CNBD1: variants seen among roughly 807,000 people sequenced by gnomAD.
CNBD1 encodes the protein cyclic nucleotide binding domain containing 1.
A neutral mutation model predicts 54.4 loss-of-function variants in CNBD1; 71 were observed. The ratio of observed to expected loss-of-function variants is 1.30; its 90% CI spans 1.08 to 1.59. CNBD1 has a LOEUF of 1.59. Among genes scored for constraint, CNBD1 ranks in the 40% most tolerant of loss-of-function variants. The pLI, the probability that CNBD1 is intolerant of heterozygous loss-of-function variation, is 0.00. For synonymous variants in CNBD1, 182 were observed against 170.7 expected, an observed-to-expected ratio of 1.07 and a Z score of -0.51; for missense variants, 659 against 518.0, an observed-to-expected ratio of 1.27 and a Z score of -2.64.
chr8:87,362,334 CTG>C (rs1262341779), intron 10 of CNBD1, among the ~76,000 whole-genome samples: 3 of 152,080 alleles, frequency 2.0e-5, no homozygotes, highest in Admixed American at 2.0e-4. Context: ...TCAGTGATAA[CTG>C]AGGTTTTTCA....
At chr8:87,001,000 A>G (rs1808978829) in intron 4 of CNBD1, among the ~76,000 whole-genome samples, 1 of 152,032 alleles carries the variant, frequency 6.6e-6, no homozygotes, top group African/African-American at 2.4e-5. Flanking sequence ...ATTTTTCTAC[A>G]TTTTATCTTT....
intron 8 of CNBD1, among the ~76,000 whole-genome samples, chr8:87,306,946 G>C (rs768056517): frequency 6.6e-5 from 10 of 151,638 alleles, no homozygotes; most frequent in Admixed American, 1.3e-4. Flanking sequence ...AGGATATGGG[G>C]GAACAGAAAA....
At chr8:87,217,794 G>A (rs1814244831) in intron 5 of CNBD1, among the ~76,000 whole-genome samples, 1 of 151,946 alleles carries the variant, frequency 6.6e-6, no homozygotes, top group Non-Finnish European at 1.5e-5. Context: ...ATCTTGAAAA[G>A]CCAATTCATC....
chr8:87,259,272 C>A (rs1035218860), intron 6 of CNBD1, among the ~76,000 whole-genome samples: 8 of 152,122 alleles, frequency 5.3e-5, no homozygotes, highest in African/African-American at 1.9e-4. Context: ...TATGAATTAT[C>A]TTTTCTTTAT....
chr8:87,228,952 T>A (rs568678095), intron 5 of CNBD1, among the ~76,000 whole-genome samples: 2 of 152,304 alleles, frequency 1.3e-5, no homozygotes, highest in South Asian at 2.1e-4. Context: ...GTGCGCCGTT[T>A]TTTAAGCCCG....
chr8:86,895,869 A>C (rs1345851019), intron 2 of CNBD1, among the ~76,000 whole-genome samples: 2 of 152,156 alleles, frequency 1.3e-5, no homozygotes, highest in Non-Finnish European at 2.9e-5. Flanking sequence ...GTGTTTTGCA[A>C]ATAGTTTCTA....
chr8:87,243,884 G>C (rs1807750474), intron 6 of CNBD1, among the ~76,000 whole-genome samples: 1 of 151,960 alleles, frequency 6.6e-6, no homozygotes, highest in Non-Finnish European at 1.5e-5. Flanking sequence ...GTGATTTGCT[G>C]TTTAGTATTG....
intron 4 of CNBD1, among the ~76,000 whole-genome samples, chr8:87,201,625 C>T (rs1400175343): frequency 1.3e-5 from 2 of 151,672 alleles, no homozygotes; most frequent in African/African-American, 4.8e-5. Context: ...TTTAGAATAC[C>T]CTCAAAGACA....
At chr8:87,101,028 A>C (rs1365855170) in intron 4 of CNBD1, among the ~76,000 whole-genome samples, 1 of 152,228 alleles carries the variant, frequency 6.6e-6, no homozygotes, top group Admixed American at 6.5e-5. Context: ...ACTGGGGGAG[A>C]AAGATTTTAG....
chr8:87,293,710 TG>T (rs1376996743), intron 8 of CNBD1, among the ~76,000 whole-genome samples: 1 of 152,218 alleles, frequency 6.6e-6, no homozygotes, highest in African/African-American at 2.4e-5. Flanking sequence ...TGTCTTAAAA[TG>T]ATTTTCACTA....
intron 4 of CNBD1, among the ~76,000 whole-genome samples, chr8:87,036,463 G>A (rs1409478368): frequency 6.6e-5 from 10 of 151,796 alleles, no homozygotes; most frequent in Non-Finnish European, 1.2e-4. Context: ...GCGTGGTGGT[G>A]GGCGCCTGTA....
At chr8:87,315,172 G>A (rs1809357379) in intron 8 of CNBD1, among the ~76,000 whole-genome samples, 1 of 152,040 alleles carries the variant, frequency 6.6e-6, no homozygotes, top group African/African-American at 2.4e-5. Flanking sequence ...ATTATTTAAA[G>A]AGAGTAGGGA....
chr8:87,126,802 A>G (rs1281629296), intron 4 of CNBD1, among the ~76,000 whole-genome samples: 2 of 151,850 alleles, frequency 1.3e-5, no homozygotes, highest in Non-Finnish European at 2.9e-5. Context: ...ATCTATTTTG[A>G]GTTAATTTTT....
intron 2 of CNBD1, among the ~76,000 whole-genome samples, chr8:87,399,170 C>A (rs1305423340): frequency 6.6e-6 from 1 of 151,968 alleles, no homozygotes; most frequent in Non-Finnish European, 1.5e-5. Context: ...GATTCAATAG[C>A]TGATGGTTAT....
chr8:87,324,322 T>C lies in CNBD1; in HGVS notation c.1043-27363T>C, dbSNP rs1165643913. On this transcript the variant is annotated intron_variant, in intron 8 of 10. Coordinates refer to ENST00000518476, the MANE Select transcript of CNBD1 (RefSeq NM_173538.3). ...TCAGAATGATGCTGGCCTCATAAAA[T>C]GAGTTAGGGAGGATTCCCTCTTTTT... Among the ~76,000 whole-genome samples the C allele has an allele frequency of 8.6e-5, 11 of 127,206 alleles. 1 individual carries two copies. In the South Asian group the frequency reaches 9.2e-4, roughly 11 times the overall value. The allele number at this position is 127,206 out of a possible 152,430, so 83.5% of individuals were successfully genotyped here.
At chr8:87,341,611 G>A (rs991738270) in intron 8 of CNBD1, among the ~76,000 whole-genome samples, 3 of 152,156 alleles carry the variant, frequency 2.0e-5, no homozygotes, top group Non-Finnish European at 4.4e-5. Flanking sequence ...TGAATCATGA[G>A]GGCTCCACCC....
chr8:86,941,960 G>A (rs991581226), intron 4 of CNBD1, among the ~76,000 whole-genome samples: 1 of 152,178 alleles, frequency 6.6e-6, no homozygotes, highest in African/African-American at 2.4e-5. Flanking sequence ...CCCCCTTTCA[G>A]TGGCTCAGAA....
chr8:87,311,840 C>G (rs1563547559), intron 8 of CNBD1, among the ~76,000 whole-genome samples: 1 of 152,000 alleles, frequency 6.6e-6, no homozygotes, highest in Non-Finnish European at 1.5e-5. Flanking sequence ...CAAATTAACA[C>G]AGGAACTGAA....
chr8:87,117,819 T>A (rs888762509), intron 4 of CNBD1, among the ~76,000 whole-genome samples: 1 of 152,170 alleles, frequency 6.6e-6, no homozygotes, highest in African/African-American at 2.4e-5. Flanking sequence ...GTTACTTAAT[T>A]CATTTGAAGT....
Sources: allele counts gnomAD v4.1 joint callset (sites outside exome capture counted in the v4.1 genomes callset), GRCh38; gene constraint gnomAD v4.1.1; transcripts MANE v1.5; gene names NCBI Gene and HGNC (gene_info 2026-07-23, HGNC 2026-07-21).